The following LSMEM1 variants were observed in gnomAD, a reference collection of about 807,000 sequenced individuals.
LSMEM1 encodes the protein leucine rich single-pass membrane protein 1.
In LSMEM1, 10 loss-of-function variants were observed where a neutral mutation model predicts 11.3. That is an observed-to-expected ratio of 0.89 (90% CI 0.55 to 1.50). The LOEUF (loss-of-function observed/expected upper bound fraction) is 1.50, where lower values mean the gene tolerates loss of function less well. Ranked by LOEUF, LSMEM1 falls within the 40% of genes most tolerant of loss-of-function variation. The probability of loss-of-function intolerance (pLI) is 0.00; values close to 1 mark genes in which losing one functional copy is unlikely to be tolerated. For missense variants in LSMEM1, 151 were observed against 152.9 expected (o/e 0.99, Z 0.06); for synonymous variants, 65 against 59.3 (o/e 1.10, Z -0.44).
rs186049480 is a variant in LSMEM1, at chr7:112,482,075, G to A, written c.-6+729G>A. On this transcript the variant is annotated intron_variant, in intron 1 of 3. Transcript: ENST00000312849. Reference sequence around the variant, plus strand: ...TATCCCTTTACTAGCAGCCTCATGAGTCATTTGCAAGTCATTTGCAGGCTC... The same window carrying A: ...TATCCCTTTACTAGCAGCCTCATGAATCATTTGCAAGTCATTTGCAGGCTC... 1.2e-3 allele frequency among the ~76,000 whole-genome samples: 176 copies of A among 152,336 alleles called. 1 individual carries two copies. Among genetic ancestry groups the A allele is most frequent in the Non-Finnish European group, 2.0e-3 (134 of 68,044 alleles).
chr7:112,489,740 T>G, intron 3 of LSMEM1, 70 bp from the exon 4 acceptor site: 1 of 1,529,244 alleles, frequency 6.5e-7, no homozygotes, highest in South Asian at 1.3e-5. Flanking sequence ...AGCACCAACA[T>G]GGGGATCTGA....
In LSMEM1 at chr7:112,490,641, T is replaced by C. The variant is rs1156390786; in HGVS notation, c.*692T>C. On this transcript the variant is annotated 3_prime_UTR_variant, in exon 4 of 4. Transcript: ENST00000312849. ...GAGGAGCTCACATAAGAGTGCAGGA[T>C]AAAGAAAGGAGATGGACAGTTATAT... is the stretch of plus-strand genomic sequence containing the variant. The C allele has an allele frequency of 6.6e-6, 1 of 152,212 alleles. No individual in the cohort carries two copies. The allele number at this position is 152,212 out of a possible 1,614,324, so 9.4% of individuals were successfully genotyped here. A position where few individuals can be genotyped will look rare whatever the true frequency, so the allele number is the denominator to read the frequency against.
chr7:112,485,700 A>C (rs1350693632), intron 2 of LSMEM1, among the ~76,000 whole-genome samples: 1 of 151,932 alleles, frequency 6.6e-6, no homozygotes, highest in African/African-American at 2.4e-5. Flanking sequence ...TAGCAGTAGA[A>C]GTTTAGGTGT....
At position 112,484,946 on chromosome 7, in the gene LSMEM1, A is replaced by T. The variant is rs573187484; in HGVS notation, c.127+3A>T. The stretch of plus-strand genomic sequence containing the variant: ...AGCCGGATCGCAGCATCTGTTCCGT[A>T]TGTGTGCTGGGGAAGGCACAGCAGC... On this transcript the variant is annotated splice_donor_region_variant and intron_variant, in intron 2 of 3. Coordinates refer to ENST00000312849, the MANE Select transcript of LSMEM1 (RefSeq NM_182597.3). The T allele has an allele frequency of 2.5e-6, 4 of 1,577,210 alleles. No individual in the cohort carries two copies. In the East Asian group the frequency reaches 9.4e-5, roughly 37 times the overall value.
intron 3 of LSMEM1, among the ~76,000 whole-genome samples, chr7:112,488,571 C>G (rs1351103985): frequency 3.9e-5 from 6 of 152,032 alleles, no homozygotes; most frequent in Non-Finnish European, 1.5e-5. Context: ...CTCATAACAA[C>G]TCTGTAGTGT....
chr7:112,487,710 T>A (rs945392301), intron 3 of LSMEM1, among the ~76,000 whole-genome samples: 1 of 152,240 alleles, frequency 6.6e-6, no homozygotes, highest in South Asian at 2.1e-4. Context: ...GCCACCCTCC[T>A]CTCTGCCTTG....
chr7:112,481,765 A>AGT (rs1796036919), intron 1 of LSMEM1, among the ~76,000 whole-genome samples: 1 of 152,260 alleles, frequency 6.6e-6, no homozygotes, highest in South Asian at 2.1e-4. Context: ...AACTGTTAGC[A>AGT]GTGATCTAAA....
In LSMEM1 at chr7:112,487,028, T is replaced by C; in HGVS notation, c.233T>C (p.Val78Ala). The change falls in exon 3 of 4, where the codon GTT becomes GCT. Residue 78 changes from valine to alanine, a missense_variant. Transcript: ENST00000312849. ...LIVLIVSLAL[V>A]FFVIFLIVQT... ...GTGCTGATTGTCAGCCTGGCACTGG[T>C]TTTTTTCGTGATATTTCTAATAGGT... is the stretch of plus-strand genomic sequence containing the variant. The C allele has an allele frequency of 6.2e-7, 1 of 1,614,018 alleles. No individual in the cohort carries two copies. Among genetic ancestry groups the C allele is most frequent in the Admixed American group, 1.7e-5 (1 of 59,992 alleles).
Position 112,490,918 on chromosome 7 carries a change from A to G in LSMEM1, c.*969A>G, listed in dbSNP as rs1232649678. On this transcript the variant is annotated 3_prime_UTR_variant, in exon 4 of 4. Transcript: ENST00000312849. ...AGTCTTAGAAAATCTTTTATTTAAT[A>G]TAAAAATATTCTACCGGTCAATTGA... 2 of 152,246 alleles carry G rather than the reference A, an allele frequency of 1.3e-5. No individual in the cohort carries two copies. Among genetic ancestry groups the G allele is most frequent in the African/African-American group, 2.4e-5 (1 of 41,464 alleles). 9.4% of individuals were successfully genotyped at this position (152,246 alleles called of 1,614,324 possible). A position where few individuals can be genotyped will look rare whatever the true frequency, so the allele number is the denominator to read the frequency against.
intron 3 of LSMEM1, among the ~76,000 whole-genome samples, chr7:112,489,187 T>C (rs1796193178): frequency 6.6e-6 from 1 of 152,238 alleles, no homozygotes; most frequent in Non-Finnish European, 1.5e-5. Flanking sequence ...TTGCTCTGTG[T>C]TAGATACATT....
chr7:112,482,588 A>G (rs991402550), intron 1 of LSMEM1, among the ~76,000 whole-genome samples: 3 of 152,180 alleles, frequency 2.0e-5, no homozygotes, highest in Non-Finnish European at 4.4e-5. Context: ...CTGGTCACAT[A>G]TTACTGTTTG....
At position 112,481,014 on chromosome 7, in the gene LSMEM1, T is replaced by A. The variant is rs1796022414; in HGVS notation, c.-338T>A. 2.6e-6 allele frequency: 1 copy of A among 379,494 alleles called. No individual in the cohort carries two copies. The highest frequency in any genetic ancestry group is 3.5e-5 in the Admixed American group (1 of 28,940). 23.5% of individuals were successfully genotyped at this position (379,494 alleles called of 1,614,324 possible). A position where few individuals can be genotyped will look rare whatever the true frequency, so the allele number is the denominator to read the frequency against. ...TCAGTCCAATAAAAACCTCATCAGT[T>A]ACCAACTAAATCAGGGCATGGTGTT... On this transcript the variant is annotated 5_prime_UTR_variant, in exon 1 of 4. Transcript: ENST00000312849.
intron 2 of LSMEM1, among the ~76,000 whole-genome samples, chr7:112,485,677 C>T (rs1248710296): frequency 1.3e-5 from 2 of 151,530 alleles, no homozygotes; most frequent in African/African-American, 4.9e-5. Context: ...GTTTTTATTG[C>T]TGTCAGTCTC....
chr7:112,484,820 A>C lies in LSMEM1; in HGVS notation c.4A>C (p.Thr2Pro). ...TCAGTGTTTTCTTCCAGGGACAATGACTCATTCTTCCCAGGACACTGGTTC... is the reference window on the plus strand; with the variant it reads ...TCAGTGTTTTCTTCCAGGGACAATGCCTCATTCTTCCCAGGACACTGGTTC... The part of the protein sequence containing the change: M[T>P]HSSQDTGSCG... The change falls in exon 2 of 4, where the codon ACT (threonine) becomes CCT (proline). Residue 2 changes from threonine to proline, a missense_variant. Physicochemically the swap from Thr to Pro is conservative, Grantham distance 38. Coordinates refer to ENST00000312849, the MANE Select transcript of LSMEM1 (RefSeq NM_182597.3). The C allele has an allele frequency of 1.2e-6, 2 of 1,613,094 alleles. No individual in the cohort carries two copies. Among genetic ancestry groups the C allele is most frequent in the Non-Finnish European group, 1.7e-6 (2 of 1,179,404 alleles).
rs143265336 is a variant in LSMEM1, at chr7:112,487,036, G to T, written c.241G>T (p.Val81Leu). 1 of 1,613,768 alleles carries T rather than the reference G, an allele frequency of 6.2e-7. No homozygotes were observed. Among genetic ancestry groups the T allele is most frequent in the African/African-American group, 1.3e-5 (1 of 74,858 alleles). Residue 81 changes from valine to leucine, a missense_variant, in exon 3 of 4, where the codon GTG becomes TTG. Transcript: ENST00000312849. Reference protein sequence around the residue: ...LIVSLALVFFVIFLIVQTGNK... With the variant: ...LIVSLALVFFLIFLIVQTGNK... ...TGTCAGCCTGGCACTGGTTTTTTTC[G>T]TGATATTTCTAATAGGTAAGTACCA...
At chr7:112,485,002 G>A in intron 2 of LSMEM1, 59 bp downstream of exon 2, 4 of 1,434,332 alleles carry the variant, frequency 2.8e-6, no homozygotes, top group Admixed American at 1.9e-5. Context: ...CCTAAAAATA[G>A]CCACTGCTGA....
chr7:112,486,225 C>T (rs1171120415), intron 2 of LSMEM1: 6 of 256,178 alleles, frequency 2.3e-5, no homozygotes. Flanking sequence ...GCATAGGTAT[C>T]CCACAACCAG....
intron 3 of LSMEM1, among the ~76,000 whole-genome samples, chr7:112,488,973 T>C (rs893995178): frequency 2.0e-5 from 3 of 152,254 alleles, no homozygotes; most frequent in African/African-American, 7.2e-5. Flanking sequence ...CAAGGTCACG[T>C]TGCTAATAAG....
chr7:112,484,312 A>T (rs1031508695), intron 1 of LSMEM1, among the ~76,000 whole-genome samples: 4 of 152,166 alleles, frequency 2.6e-5, no homozygotes, highest in Non-Finnish European at 5.9e-5. Context: ...TGCAATTAGA[A>T]TGGTTCATGG....
Sources: gnomAD v4.1 joint callset for allele counts (sites outside exome capture counted in the v4.1 genomes callset) on GRCh38, gnomAD v4.1.1 for gene constraint, MANE v1.5 for transcripts, NCBI Gene and HGNC (gene_info 2026-07-23, HGNC 2026-07-21) for gene names.